Variants in LMX1B observed in about 807,000 individuals in gnomAD.
LMX1B encodes the protein LIM homeobox transcription factor 1 beta.
A neutral mutation model predicts 51.4 loss-of-function variants in LMX1B; 12 were observed. That is an observed-to-expected ratio of 0.23 (90% CI 0.15 to 0.38). The LOEUF is 0.38. Ranked by LOEUF, LMX1B falls within the 10% of genes least tolerant of loss-of-function variation. The probability of loss-of-function intolerance (pLI) is 1.00; values close to 1 mark genes in which losing one functional copy is unlikely to be tolerated. For missense variants in LMX1B, 445 were observed against 571.1 expected (o/e 0.78, Z 2.25); for synonymous variants, 237 against 235.4 (o/e 1.01, Z -0.06).
At chr9:126,631,595 A>C (rs774607815) in intron 2 of LMX1B, among the ~76,000 whole-genome samples, 6 of 152,040 alleles carry the variant, frequency 3.9e-5, no homozygotes, top group Non-Finnish European at 8.8e-5. Context: ...GATAGGGGCG[A>C]GGGCAGAGCT....
At chr9:126,648,233 A>T (rs1835938116) in intron 2 of LMX1B, among the ~76,000 whole-genome samples, 1 of 152,230 alleles carries the variant, frequency 6.6e-6, no homozygotes, top group Admixed American at 6.5e-5. Flanking sequence ...AAGTTTGCTT[A>T]GCTGTGCTCG....
intron 2 of LMX1B, among the ~76,000 whole-genome samples, chr9:126,683,407 G>T (rs1209183289): frequency 6.6e-6 from 1 of 152,180 alleles, no homozygotes; most frequent in Non-Finnish European, 1.5e-5. Flanking sequence ...AAACAGCTAC[G>T]CCCGGAATGA....
At chr9:126,630,659 A>G (rs1019408704) in intron 2 of LMX1B, among the ~76,000 whole-genome samples, 15 of 152,208 alleles carry the variant, frequency 9.9e-5, no homozygotes, top group Admixed American at 2.0e-4. Context: ...CTTCGTCCTC[A>G]GTGTTGTCAG....
chr9:126,626,022 G>C lies in LMX1B; in HGVS notation c.326+10453G>C, dbSNP rs938130253. On this transcript the variant is annotated intron_variant, in intron 2 of 7. Transcript: ENST00000373474. The surrounding 1 kb of genome is among the most constrained non-coding windows in gnomAD (Gnocchi z 4.3). Reference sequence around the variant, plus strand: ...AGAAACGAAGCCTGCGTGCCCCCGGGGGCTCCGTTTTGCTCCCCTCATGGA... The same window carrying C: ...AGAAACGAAGCCTGCGTGCCCCCGGCGGCTCCGTTTTGCTCCCCTCATGGA... 3.9e-5 allele frequency among the ~76,000 whole-genome samples: 6 copies of C among 152,246 alleles called. No homozygotes were observed. The highest frequency in any genetic ancestry group is 5.9e-5 in the Non-Finnish European group (4 of 68,032).
At chr9:126,621,153 T>C (rs1287821930) in intron 2 of LMX1B, among the ~76,000 whole-genome samples, 1 of 152,196 alleles carries the variant, frequency 6.6e-6, no homozygotes, top group Non-Finnish European at 1.5e-5. Flanking sequence ...TCAGTTAGGC[T>C]GAAGGATGGA....
rs921548624 is a variant in LMX1B, at chr9:126,614,297, C to T, written c.-153C>T. ...ACGACGCCGGGGCCCGGGGCCAGCG[C>T]GTCGCCGCTCCACGATCGCCGGGGG... On this transcript the variant is annotated 5_prime_UTR_variant, in exon 1 of 8. Transcript: ENST00000373474. 15 of 307,480 alleles carry T rather than the reference C, an allele frequency of 4.9e-5. No homozygotes were observed. Among genetic ancestry groups the T allele is most frequent in the African/African-American group, 2.3e-4 (10 of 43,590 alleles). 19.0% of individuals were successfully genotyped at this position (307,480 alleles called of 1,614,324 possible).
In LMX1B at chr9:126,615,384, C is replaced by T. The variant is rs752807636; in HGVS notation, c.141C>T (p.Gly47=). ...GGGCTTTCGCCCTGTGCGCTACAGGCTCCGACTGCCCGCATCCCGCCGTCT... is the reference window on the plus strand; with the variant it reads ...GGGCTTTCGCCCTGTGCGCTACAGGTTCCGACTGCCCGCATCCCGCCGTCT... ...PGPATLGVLL[G]SDCPHPAVCE... is the part of the protein sequence containing the mutation. The change falls in exon 2 of 8, where the codon GGC becomes GGT. Residue 47 remains glycine (G), a splice_region_variant and synonymous_variant. Coordinates refer to ENST00000373474, the MANE Select transcript of LMX1B (RefSeq NM_001174147.2). This position sits in a 1 kb window ranked among gnomAD's most constrained non-coding sequence, Gnocchi z 6.0. 6.3e-7 allele frequency: 1 copy of T among 1,596,640 alleles called. No homozygotes were observed. Among genetic ancestry groups the T allele is most frequent in the Non-Finnish European group, 8.5e-7 (1 of 1,174,050 alleles).
At position 126,618,254 on chromosome 9, in the gene LMX1B, A is replaced by C. The variant is rs1835340679; in HGVS notation, c.326+2685A>C. Among the ~76,000 whole-genome samples the C allele has an allele frequency of 6.6e-6, 1 of 152,172 alleles. No homozygotes were observed. The highest frequency in any genetic ancestry group is 2.1e-4 in the South Asian group (1 of 4,822). ...GTGTCCTCACCCCTGGCTGAGTTGC[A>C]GGGCTCCGTCCTTAAAAAGAGGTTG... is the stretch of plus-strand genomic sequence containing the variant. On this transcript the variant is annotated intron_variant, in intron 2 of 7. Transcript: ENST00000373474. This position sits in a 1 kb window ranked among gnomAD's most constrained non-coding sequence, Gnocchi z 4.5.
rs961030010 is a variant in LMX1B at position 126,671,566 on chromosome 9, C to A, written c.327-19270C>A. On this transcript the variant is annotated intron_variant, in intron 2 of 7. Transcript: ENST00000373474. The surrounding 1 kb of genome is among the most constrained non-coding windows in gnomAD (Gnocchi z 4.4). ...CACTCCAGCCGGTATCCCGAGAGGC[C>A]GCAAAAACACAGACACCCCAGACGG... 6.6e-6 allele frequency among the ~76,000 whole-genome samples: 1 copy of A among 152,210 alleles called. No individual in the cohort carries two copies. The highest frequency in any genetic ancestry group is 1.5e-5 in the Non-Finnish European group (1 of 68,036).
At position 126,614,059 on chromosome 9, in the gene LMX1B, C is replaced by A; in HGVS notation, c.-391C>A. The stretch of plus-strand genomic sequence containing the variant: ...GCTGCGCCGCGCGCCCCCCCCGCGG[C>A]CCGCGGGGCCGCCCCTGCACCCCCA... On this transcript the variant is annotated 5_prime_UTR_variant, in exon 1 of 8. Transcript: ENST00000373474. 7.9e-6 allele frequency among the ~76,000 whole-genome samples: 1 copy of A among 126,930 alleles called. No homozygotes were observed. The allele number at this position is 126,930 out of a possible 152,430, so 83.3% of individuals were successfully genotyped here.
At chr9:126,647,413 A>C (rs142751007) in intron 2 of LMX1B, among the ~76,000 whole-genome samples, 7 of 152,270 alleles carry the variant, frequency 4.6e-5, no homozygotes, top group Non-Finnish European at 7.4e-5. Context: ...ACCGTGCTGC[A>C]CATGCTTTTT....
intron 2 of LMX1B, among the ~76,000 whole-genome samples, chr9:126,621,799 G>A (rs1835418426): frequency 1.3e-5 from 2 of 152,050 alleles, no homozygotes; most frequent in Non-Finnish European, 2.9e-5. Context: ...ATTTTGGGGG[G>A]AAGGTGTAAC....
At chr9:126,614,722 C>T (rs2118820388) in intron 1 of LMX1B, 134 bp downstream of exon 1, 1 of 1,006,980 alleles carries the variant, frequency 9.9e-7, no homozygotes, top group South Asian at 2.4e-5. Context: ...AGAGACAGGA[C>T]TCCTGGAGTG....
chr9:126,634,142 A>G (rs1835675309), intron 2 of LMX1B, among the ~76,000 whole-genome samples: 1 of 152,142 alleles, frequency 6.6e-6, no homozygotes, highest in Admixed American at 6.5e-5. Context: ...CAGGACTCCA[A>G]ATGAGCAAGA....
intron 2 of LMX1B, among the ~76,000 whole-genome samples, chr9:126,656,914 T>C (rs1306148557): frequency 1.3e-5 from 2 of 152,224 alleles, no homozygotes; most frequent in Non-Finnish European, 2.9e-5. Context: ...TCACCTCTAA[T>C]TGAGAAGCAC....
chr9:126,688,258 G>T (rs910230752), intron 2 of LMX1B, among the ~76,000 whole-genome samples: 1 of 152,236 alleles, frequency 6.6e-6, no homozygotes, highest in Non-Finnish European at 1.5e-5. Flanking sequence ...CAAGGCATTA[G>T]CGCGGCTGTT....
intron 2 of LMX1B, among the ~76,000 whole-genome samples, chr9:126,645,577 G>A (rs1269707471): frequency 6.6e-6 from 1 of 152,192 alleles, no homozygotes; most frequent in Non-Finnish European, 1.5e-5. Flanking sequence ...CAGCCTGCTG[G>A]GGGAAGATCC....
chr9:126,686,411 T>C (rs940795113), intron 2 of LMX1B, among the ~76,000 whole-genome samples: 5 of 152,106 alleles, frequency 3.3e-5, no homozygotes, highest in Non-Finnish European at 7.4e-5. Flanking sequence ...AATAAACCCG[T>C]AAAAACTCAG....
Position 126,671,302 on chromosome 9 carries a change from A to G in LMX1B, c.327-19534A>G, listed in dbSNP as rs1836445726. On this transcript the variant is annotated intron_variant, in intron 2 of 7. Transcript: ENST00000373474. This position sits in a 1 kb window ranked among gnomAD's most constrained non-coding sequence, Gnocchi z 4.4. ...TAAAAGCCCCACGTAGATGCTTTGC[A>G]TTGTGAAAACCCACAAATATCAGCT... 6.6e-6 allele frequency among the ~76,000 whole-genome samples: 1 copy of G among 152,142 alleles called. No individual in the cohort carries two copies. The highest frequency in any genetic ancestry group is 1.5e-5 in the Non-Finnish European group (1 of 68,026).
Sources: gnomAD v4.1 joint callset for allele counts (sites outside exome capture counted in the v4.1 genomes callset) on GRCh38, gnomAD v4.1.1 for gene constraint, Gnocchi (gnomAD v3.1) non-coding constraint, MANE v1.5 for transcripts, NCBI Gene and HGNC (gene_info 2026-07-23, HGNC 2026-07-21) for gene names.